SUFU: variants seen among roughly 807,000 people sequenced by gnomAD.
SUFU encodes suppressor of fused homolog.
SUFU carries 7 observed loss-of-function variants against 58.9 expected under a neutral mutation model. The ratio of observed to expected loss-of-function variants is 0.12; its 90% CI spans 0.07 to 0.22. The LOEUF (loss-of-function observed/expected upper bound fraction) is 0.22. Ranked by LOEUF, SUFU falls within the 10% of genes least tolerant of loss-of-function variation. The pLI is 1.00. For missense variants in SUFU, 451 were observed against 641.3 expected, an observed-to-expected ratio of 0.70 and a Z score of 3.20; for synonymous variants, 232 against 254.8, an observed-to-expected ratio of 0.91 and a Z score of 0.85.
chr10:102,613,517 C>G (rs1489067400), intron 8 of SUFU, among the ~76,000 whole-genome samples: 1 of 152,248 alleles, frequency 6.6e-6, no homozygotes, highest in African/African-American at 2.4e-5. Flanking sequence ...GCCACCCTGG[C>G]TGCAGGCCCC....
chr10:102,504,206 T>G lies in SUFU; in HGVS notation c.54T>G (p.Pro18=). 1.9e-6 allele frequency: 2 copies of G among 1,077,374 alleles called. No homozygotes were observed. The highest frequency in any genetic ancestry group is 2.5e-6 in the Non-Finnish European group (2 of 795,234). 66.7% of individuals were successfully genotyped at this position (1,077,374 alleles called of 1,614,324 possible). A position where few individuals can be genotyped will look rare whatever the true frequency, so the allele number is the denominator to read the frequency against. ...GAPGPTAPPA[P]GPTAPPAFAS... is the part of the protein sequence containing the mutation. ...CCGGCCCCACCGCGCCCCCGGCCCC[T>G]GGCCCGACTGCCCCCCCGGCCTTCG... Residue 18 remains proline, a synonymous_variant, in exon 1 of 12, where the codon CCT becomes CCG. Coordinates refer to ENST00000369902, the MANE Select transcript of SUFU (RefSeq NM_016169.4).
At chr10:102,527,736 C>G (rs1405126885) in intron 2 of SUFU, among the ~76,000 whole-genome samples, 1 of 151,898 alleles carries the variant, frequency 6.6e-6, no homozygotes, top group Non-Finnish European at 1.5e-5. Flanking sequence ...AAGTACAGTC[C>G]TTGCCCTTGG....
intron 3 of SUFU, among the ~76,000 whole-genome samples, chr10:102,562,545 A>G (rs1459398811): frequency 6.6e-6 from 1 of 151,672 alleles, no homozygotes; most frequent in East Asian, 1.9e-4. Flanking sequence ...AACAACAACA[A>G]CAACAGCAAC....
At chr10:102,523,817 C>T (rs889407300) in intron 2 of SUFU, among the ~76,000 whole-genome samples, 2 of 152,222 alleles carry the variant, frequency 1.3e-5, no homozygotes, top group Admixed American at 1.3e-4. Flanking sequence ...TCAGAACCAT[C>T]CAGTGGCTTC....
At chr10:102,626,229 C>G (rs2063785442) in intron 10 of SUFU, among the ~76,000 whole-genome samples, 1 of 152,060 alleles carries the variant, frequency 6.6e-6, no homozygotes, top group African/African-American at 2.4e-5. Context: ...GGGTGCAGAC[C>G]TGGGATCAGC....
Position 102,619,581 on chromosome 10 carries a change from G to C in SUFU, c.1296+2153G>C, listed in dbSNP as rs2063722783. The stretch of plus-strand genomic sequence containing the variant: ...CCAAGCACCCACCCTTGATCACCGA[G>C]GGGTTTCTCAGGCCCTTTCCAAGGA... On this transcript the variant is annotated intron_variant, in intron 10 of 11. Coordinates refer to ENST00000369902, the MANE Select transcript of SUFU (RefSeq NM_016169.4). The surrounding 1 kb of genome is among the most constrained non-coding windows in gnomAD (Gnocchi z 4.2). The C allele has an allele frequency of 1.1e-6, 1 of 908,174 alleles. No individual in the cohort carries two copies. Among genetic ancestry groups the C allele is most frequent in the South Asian group, 4.8e-5 (1 of 20,742 alleles). 56.3% of individuals were successfully genotyped at this position (908,174 alleles called of 1,614,324 possible).
chr10:102,561,320 G>A (rs996310233), intron 3 of SUFU, among the ~76,000 whole-genome samples: 4 of 152,232 alleles, frequency 2.6e-5, no homozygotes, highest in Non-Finnish European at 4.4e-5. Context: ...AAATGTTATC[G>A]TTATTTTCAA....
chr10:102,585,201 T>TA (rs2063324294), intron 3 of SUFU, among the ~76,000 whole-genome samples: 1 of 152,122 alleles, frequency 6.6e-6, no homozygotes, highest in Non-Finnish European at 1.5e-5. Context: ...ACCATCACCA[T>TA]AAAAAAAGAA....
intron 2 of SUFU, among the ~76,000 whole-genome samples, chr10:102,516,130 T>C (rs1476866745): frequency 6.1e-5 from 9 of 146,946 alleles, no homozygotes; most frequent in Admixed American, 2.0e-4. Context: ...CTTTTCTTTT[T>C]TTTTTTTTTT....
At chr10:102,612,720 G>A (rs2063639430) in intron 8 of SUFU, among the ~76,000 whole-genome samples, 2 of 152,296 alleles carry the variant, frequency 1.3e-5, no homozygotes, top group African/African-American at 2.4e-5. Flanking sequence ...GGCAGGAACC[G>A]GTGGTCAAAG....
intron 2 of SUFU, among the ~76,000 whole-genome samples, chr10:102,527,496 A>AAT (rs1177653208): frequency 9.3e-4 from 86 of 92,160 alleles, no homozygotes; most frequent in African/African-American, 3.2e-3. Context: ...AAATACCATT[A>AAT]AGATATATAT....
upstream of SUFU, among the ~76,000 whole-genome samples, chr10:102,503,152 C>T (rs143888539): frequency 2.2e-4 from 33 of 152,324 alleles, no homozygotes; most frequent in East Asian, 2.5e-3. Flanking sequence ...ATAAACATCT[C>T]CTAGCACCTC....
At position 102,514,837 on chromosome 10, in the gene SUFU, C is replaced by T. The variant is rs188183264; in HGVS notation, c.317+5534C>T. ...TAGACAGAGCCTATGGGGCCCTAAC[C>T]GAGGCTGGAAGGCTGGGTAGTTGGA... On this transcript the variant is annotated intron_variant, in intron 2 of 11. Coordinates refer to ENST00000369902, the MANE Select transcript of SUFU (RefSeq NM_016169.4). 3.4e-3 allele frequency among the ~76,000 whole-genome samples: 515 copies of T among 152,362 alleles called. 2 individuals carry two copies. The highest frequency in any genetic ancestry group is 0.01 in the Middle Eastern group (3 of 294).
intron 2 of SUFU, among the ~76,000 whole-genome samples, chr10:102,521,868 C>G (rs1296016574): frequency 6.6e-6 from 1 of 152,142 alleles, no homozygotes; most frequent in African/African-American, 2.4e-5. Flanking sequence ...ACAGTTGAAC[C>G]ATTTTACTAA....
At chr10:102,552,216 A>G (rs2062926388) in intron 3 of SUFU, among the ~76,000 whole-genome samples, 1 of 152,166 alleles carries the variant, frequency 6.6e-6, no homozygotes, top group Admixed American at 6.5e-5. Context: ...AGGCTGAAGC[A>G]GGAGGATCAC....
chr10:102,557,296 G>A (rs1348815849), intron 3 of SUFU, among the ~76,000 whole-genome samples: 1 of 151,722 alleles, frequency 6.6e-6, no homozygotes, highest in African/African-American at 2.4e-5. Context: ...ACAATAACAG[G>A]GCCAGGCGTG....
chr10:102,564,972 G>A (rs1345105099), intron 3 of SUFU, among the ~76,000 whole-genome samples: 1 of 152,168 alleles, frequency 6.6e-6, no homozygotes, highest in African/African-American at 2.4e-5. Flanking sequence ...ATGAGTTTGT[G>A]CCCTAAAATT....
At chr10:102,555,622 A>C (rs1490693424) in intron 3 of SUFU, among the ~76,000 whole-genome samples, 10 of 152,216 alleles carry the variant, frequency 6.6e-5, no homozygotes, top group Admixed American at 6.5e-4. Context: ...AGTCCGGTAG[A>C]GCCTATGCAG....
At chr10:102,555,982 T>C (rs1443879792) in intron 3 of SUFU, among the ~76,000 whole-genome samples, 1 of 152,228 alleles carries the variant, frequency 6.6e-6, no homozygotes, top group Admixed American at 6.5e-5. Flanking sequence ...AGTGAGTTTA[T>C]GGGGAGCACT....
Sources: allele counts gnomAD v4.1 joint callset (sites outside exome capture counted in the v4.1 genomes callset), GRCh38; gene constraint gnomAD v4.1.1; non-coding constraint Gnocchi (gnomAD v3.1); transcripts MANE v1.5; gene names NCBI Gene and HGNC (gene_info 2026-07-23, HGNC 2026-07-21).